Variants in SDK1 observed in about 807,000 individuals in gnomAD.
SDK1 encodes sidekick cell adhesion molecule 1, also known as protein sidekick-1.
In SDK1, 157 loss-of-function variants were observed where a neutral mutation model predicts 245.5. That is an observed-to-expected ratio of 0.64 (90% CI 0.56 to 0.73). The LOEUF is 0.73. SDK1 is among the 30% of genes least tolerant of loss of function. The pLI, the probability that SDK1 is intolerant of heterozygous loss-of-function variation, is 0.00. For missense variants in SDK1, 3,583 were observed against 3,002.3 expected (o/e 1.19, Z -4.52); for synonymous variants, 1,647 against 1,278.5 (o/e 1.29, Z -6.15).
At chr7:3,588,283 C>A (rs1302409569) in intron 1 of SDK1, among the ~76,000 whole-genome samples, 1 of 152,120 alleles carries the variant, frequency 6.6e-6, no homozygotes, top group African/African-American at 2.4e-5. Context: ...AGATTAATAA[C>A]GTTATATTTT....
At chr7:4,203,290 C>T (rs1783998379) in intron 35 of SDK1, among the ~76,000 whole-genome samples, 1 of 152,194 alleles carries the variant, frequency 6.6e-6, no homozygotes, top group Non-Finnish European at 1.5e-5. Flanking sequence ...CTCTCATTGC[C>T]TCAGCAAGAT....
intron 43 of SDK1, among the ~76,000 whole-genome samples, chr7:4,243,402 A>G (rs544896118): frequency 3.9e-5 from 6 of 152,290 alleles, no homozygotes; most frequent in East Asian, 1.9e-4. Flanking sequence ...AGTCCTAGCA[A>G]TAGGACCCTG....
At chr7:4,060,569 A>C (rs1779474445) in intron 19 of SDK1, among the ~76,000 whole-genome samples, 1 of 151,822 alleles carries the variant, frequency 6.6e-6, no homozygotes, top group Non-Finnish European at 1.5e-5. Flanking sequence ...AGGTTGCAAA[A>C]ATTTTCTCCC....
chr7:3,525,997 G>A (rs1783114525), intron 1 of SDK1, among the ~76,000 whole-genome samples: 1 of 152,166 alleles, frequency 6.6e-6, no homozygotes, highest in South Asian at 2.1e-4. Context: ...ACTTTGGGAG[G>A]CTGAGGCAGG....
chr7:3,466,604 T>C (rs926351827), intron 1 of SDK1, among the ~76,000 whole-genome samples: 5 of 151,470 alleles, frequency 3.3e-5, no homozygotes, highest in Non-Finnish European at 5.9e-5. Context: ...TATCTGTTTT[T>C]TGAGCATGTT....
At chr7:3,639,899 G>C (rs1162199899) in intron 3 of SDK1, among the ~76,000 whole-genome samples, 1 of 151,980 alleles carries the variant, frequency 6.6e-6, no homozygotes. Flanking sequence ...TCTCAGGCTG[G>C]AGTGCAGTGG....
At chr7:4,164,875 G>A (rs1376550189) in intron 32 of SDK1, among the ~76,000 whole-genome samples, 1 of 152,076 alleles carries the variant, frequency 6.6e-6, no homozygotes, top group Non-Finnish European at 1.5e-5. Flanking sequence ...AGCAGGAGGT[G>A]GTCAATACAA....
intron 4 of SDK1, among the ~76,000 whole-genome samples, chr7:3,691,892 T>TAATA (rs892462076): frequency 6.6e-5 from 10 of 152,146 alleles, no homozygotes; most frequent in Admixed American, 6.5e-5. Context: ...TTTAAGAAGG[T>TAATA]AATAGCTTAT....
At chr7:3,985,919 T>C (rs1429995794) in intron 13 of SDK1, among the ~76,000 whole-genome samples, 1 of 152,154 alleles carries the variant, frequency 6.6e-6, no homozygotes, top group African/African-American at 2.4e-5. Flanking sequence ...TTCTGACCTG[T>C]GTGGGTCAGC....
At chr7:3,865,464 C>T (rs140931883) in intron 5 of SDK1, among the ~76,000 whole-genome samples, 1 of 152,264 alleles carries the variant, frequency 6.6e-6, no homozygotes, top group East Asian at 1.9e-4. Context: ...AAAGAATAGC[C>T]ACCAGATAGA....
chr7:3,432,239 C>T (rs543774508), intron 1 of SDK1, among the ~76,000 whole-genome samples: 2 of 151,396 alleles, frequency 1.3e-5, no homozygotes, highest in African/African-American at 4.9e-5. Flanking sequence ...TTAGTGCCAA[C>T]TGTGCTGTAT....
rs953811525 is a variant in SDK1, at chr7:3,948,879, C to T, written c.848-2044C>T. On this transcript the variant is annotated intron_variant, in intron 5 of 44. Coordinates refer to ENST00000404826, the MANE Select transcript of SDK1 (RefSeq NM_152744.4). ...AGCAGTGATTAATGCCAAATTAGCA[C>T]CCTGTTCAATGACCTTTCAGCATTA... Among the ~76,000 whole-genome samples, 4 of 152,216 alleles carry T rather than the reference C, an allele frequency of 2.6e-5. No individual in the cohort carries two copies. In the East Asian group the frequency reaches 7.7e-4, roughly 29 times the overall value.
Position 3,725,988 on chromosome 7 carries a change from G to A in SDK1, c.713+83883G>A, listed in dbSNP as rs564029919. ...AGGAGCCAATATCTCAGTGCAAGACGGACACTATTAAAATTCTTTAGGGGA... is the reference window on the plus strand; with the variant it reads ...AGGAGCCAATATCTCAGTGCAAGACAGACACTATTAAAATTCTTTAGGGGA... On this transcript the variant is annotated intron_variant, in intron 4 of 44. Transcript: ENST00000404826. 5.3e-5 allele frequency among the ~76,000 whole-genome samples: 8 copies of A among 152,262 alleles called. No individual in the cohort carries two copies. In the East Asian group the frequency reaches 5.8e-4, roughly 11 times the overall value.
At chr7:3,687,056 AAC>A (rs200034994) in intron 4 of SDK1, among the ~76,000 whole-genome samples, 2,985 of 135,146 alleles carry the variant, frequency 0.022, 40 homozygotes, top group Admixed American at 0.023. Context: ...ATAGCATCAA[AAC>A]ACACACACAC....
At chr7:3,894,890 A>G (rs965839223) in intron 5 of SDK1, among the ~76,000 whole-genome samples, 2 of 151,520 alleles carry the variant, frequency 1.3e-5, no homozygotes, top group Admixed American at 6.6e-5. Flanking sequence ...AAGGGGTTTC[A>G]CCATGTCGGC....
intron 17 of SDK1, among the ~76,000 whole-genome samples, chr7:4,046,227 C>G (rs191816738): frequency 1.8e-4 from 28 of 152,276 alleles, no homozygotes; most frequent in Non-Finnish European, 8.8e-5. Context: ...CAGCCGTGAG[C>G]CATGAGCCAC....
At chr7:4,218,104 A>G (rs1338079032) in intron 38 of SDK1, among the ~76,000 whole-genome samples, 1 of 152,206 alleles carries the variant, frequency 6.6e-6, no homozygotes, top group Admixed American at 6.5e-5. Flanking sequence ...AGGGTCACCC[A>G]AAAGTAGCCA....
At chr7:3,553,539 T>C (rs1779483961) in intron 1 of SDK1, among the ~76,000 whole-genome samples, 1 of 152,176 alleles carries the variant, frequency 6.6e-6, no homozygotes, top group Non-Finnish European at 1.5e-5. Flanking sequence ...AGACCTGGCC[T>C]TTCTTGACCT....
intron 1 of SDK1, among the ~76,000 whole-genome samples, chr7:3,525,093 C>T (rs1010105370): frequency 2.6e-5 from 4 of 151,974 alleles, no homozygotes. Context: ...CTATAAGTAA[C>T]CCAGTGATGA....
Sources: gnomAD v4.1 joint callset for allele counts (sites outside exome capture counted in the v4.1 genomes callset) on GRCh38, gnomAD v4.1.1 for gene constraint, MANE v1.5 for transcripts, NCBI Gene and HGNC (gene_info 2026-07-23, HGNC 2026-07-21) for gene names.